ZNF251: variants seen among roughly 807,000 people sequenced by gnomAD.
ZNF251 encodes the protein zinc finger protein 251.
A neutral mutation model predicts 13.5 loss-of-function variants in ZNF251; 14 were observed. The observed-to-expected ratio is 1.04, with a 90% CI of 0.69 to 1.63. ZNF251 has a LOEUF of 1.63. Among genes scored for constraint, ZNF251 ranks in the 40% most tolerant of loss-of-function variants. The pLI is 0.00. For synonymous variants in ZNF251, 287 were observed against 295.2 expected (o/e 0.97, Z 0.28); for missense variants, 764 against 834.9 (o/e 0.92, Z 1.05).
At chr8:144,738,546 G>A (rs139934426) in intron 4 of ZNF251, 71 of 984,746 alleles carry the variant, frequency 7.2e-5, no homozygotes, top group East Asian at 1.1e-4. Flanking sequence ...ACTCATCCCC[G>A]GCCCCTTCCT....
chr8:144,731,965 CAG>C (rs1376936069), intron 4 of ZNF251, among the ~76,000 whole-genome samples: 4 of 120,624 alleles, frequency 3.3e-5, no homozygotes, highest in Admixed American at 3.2e-4. Context: ...TTTTTTAAGA[CAG>C]AGTCTTTCTC....
chr8:144,744,614 TAAG>T (rs1471813997), intron 4 of ZNF251, among the ~76,000 whole-genome samples: 1 of 152,152 alleles, frequency 6.6e-6, no homozygotes, highest in Non-Finnish European at 1.5e-5. Flanking sequence ...AGTGCTCTTA[TAAG>T]AAGAGATACC....
At position 144,722,966 on chromosome 8, in the gene ZNF251, T is replaced by C; in HGVS notation, c.694A>G (p.Thr232Ala). ...CCACATTCGTACGGCTTCTCCCCAG[T>C]GTGACTTCTCTGGTGTCTACTTAGG... ...SDLSRHQRSH[T>A]GEKPYECGRC... The change falls in exon 5 of 5, where the codon ACT (threonine) becomes GCT (alanine). Residue 232 changes from threonine (T) to alanine (A), a missense_variant. By Grantham distance (58) the Thr-to-Ala change is moderately conservative. Coordinates refer to ENST00000292562, the MANE Select transcript of ZNF251 (RefSeq NM_138367.2). This position sits in a 1 kb window ranked among gnomAD's most constrained non-coding sequence, Gnocchi z 4.8. The C allele has an allele frequency of 4.3e-6, 7 of 1,613,970 alleles. 1 individual carries two copies. Among genetic ancestry groups the C allele is most frequent in the South Asian group, 2.2e-5 (2 of 91,086 alleles).
Position 144,754,242 on chromosome 8 carries a change from G to A in ZNF251, c.113C>T (p.Ala38Val), listed in dbSNP as rs1449023740. ...CTCCAGCATCACATCCCGGTAGAGC[G>A]CCCGCTGCTGGGGGCCCAGCTGCCG... ...EGRQLGPQQRALYRDVMLENY... is the reference protein window; with the variant it reads ...EGRQLGPQQRVLYRDVMLENY... The change falls in exon 3 of 5, where the codon GCG (alanine) becomes GTG (valine). Residue 38 changes from alanine to valine, a missense_variant. Coordinates refer to ENST00000292562, the MANE Select transcript of ZNF251 (RefSeq NM_138367.2). The A allele has an allele frequency of 1.9e-6, 3 of 1,613,932 alleles. No homozygotes were observed. Among genetic ancestry groups the A allele is most frequent in the Admixed American group, 1.7e-5 (1 of 60,002 alleles).
At chr8:144,755,183 C>T (rs1824901422) in intron 1 of ZNF251, 1 of 1,172,554 alleles carries the variant, frequency 8.5e-7, no homozygotes. Context: ...TGCCGAAGGC[C>T]CCAGGCTCCG....
At position 144,755,486 on chromosome 8, in the gene ZNF251, C is replaced by G; in HGVS notation, c.-157G>C. The stretch of plus-strand genomic sequence containing the variant: ...ACCGAGCCCGGAACGGACCCTCCCA[C>G]AGAACCGGGTCCAGAGCCGGGGAGG... On this transcript the variant is annotated 5_prime_UTR_variant, in exon 1 of 5. Transcript: ENST00000292562. 1 of 1,287,230 alleles carries G rather than the reference C, an allele frequency of 7.8e-7. No homozygotes were observed. The highest frequency in any genetic ancestry group is 1.0e-6 in the Non-Finnish European group (1 of 988,676). The allele number at this position is 1,287,230 out of a possible 1,614,324, so 79.7% of individuals were successfully genotyped here.
Position 144,734,734 on chromosome 8 carries a change from C to T in ZNF251, c.278-11352G>A, listed in dbSNP as rs930874822. Among the ~76,000 whole-genome samples the T allele has an allele frequency of 6.6e-6, 1 of 152,208 alleles. No individual in the cohort carries two copies. Among genetic ancestry groups the T allele is most frequent in the Non-Finnish European group, 1.5e-5 (1 of 68,046 alleles). On this transcript the variant is annotated intron_variant, in intron 4 of 4. Coordinates refer to ENST00000292562, the MANE Select transcript of ZNF251 (RefSeq NM_138367.2). This position sits in a 1 kb window ranked among gnomAD's most constrained non-coding sequence, Gnocchi z 4.4. ...ATCACAGGAGACGGGCGAATTAGAA[C>T]TGGAGACCAAAATTCCTCTGTGGTA...
At chr8:144,741,372 T>A (rs1249214572) in intron 4 of ZNF251, among the ~76,000 whole-genome samples, 1 of 150,788 alleles carries the variant, frequency 6.6e-6, no homozygotes, top group Non-Finnish European at 1.5e-5. Context: ...ATACACACAC[T>A]CACACACACT....
rs765977264 is a variant in ZNF251 at position 144,722,750 on chromosome 8, G to T, written c.910C>A (p.Arg304=). Residue 304 remains arginine (R), a synonymous_variant, in exon 5 of 5, where the codon CGA becomes AGA. Transcript: ENST00000292562. The surrounding 1 kb of genome is among the most constrained non-coding windows in gnomAD (Gnocchi z 4.8). ...CGATGTTGAATAAGAGTTGAGCTTC[G>T]ACTGAAAGCCTTCCCACACTCACCA... The part of the protein sequence containing the change: ...GCGECGKAFS[R]SSTLIQHRII... The T allele has an allele frequency of 1.2e-6, 2 of 1,613,976 alleles. No individual in the cohort carries two copies. The highest frequency in any genetic ancestry group is 1.7e-6 in the Non-Finnish European group (2 of 1,179,962).
At position 144,734,179 on chromosome 8, in the gene ZNF251, A is replaced by G. The variant is rs1314496607; in HGVS notation, c.278-10797T>C. Among the ~76,000 whole-genome samples the G allele has an allele frequency of 6.6e-6, 1 of 152,216 alleles. No individual in the cohort carries two copies. Among genetic ancestry groups the G allele is most frequent in the Non-Finnish European group, 1.5e-5 (1 of 68,012 alleles). On this transcript the variant is annotated intron_variant, in intron 4 of 4. Coordinates refer to ENST00000292562, the MANE Select transcript of ZNF251 (RefSeq NM_138367.2). The surrounding 1 kb of genome is among the most constrained non-coding windows in gnomAD (Gnocchi z 4.4). ...CCTGCCTGGTGTTTTCCTTTGTCCCAGCGCTGAGCCGAGCGGAGCTCCTGG... is the reference window on the plus strand; with the variant it reads ...CCTGCCTGGTGTTTTCCTTTGTCCCGGCGCTGAGCCGAGCGGAGCTCCTGG...
intron 4 of ZNF251, among the ~76,000 whole-genome samples, chr8:144,744,334 T>A (rs1039126440): frequency 7.2e-5 from 11 of 152,210 alleles, no homozygotes; most frequent in Non-Finnish European, 1.5e-5. Context: ...AGCTTGTCAA[T>A]TGTTTCTTCC....
At chr8:144,731,941 C>A (rs527663141) in intron 4 of ZNF251, among the ~76,000 whole-genome samples, 1 of 134,140 alleles carries the variant, frequency 7.5e-6, no homozygotes, top group African/African-American at 3.6e-5. Context: ...CATGTCCTGA[C>A]AGCTGCATTT....
intron 3 of ZNF251, 110 bp downstream of exon 3, chr8:144,754,082 C>T: frequency 2.1e-6 from 3 of 1,432,156 alleles, no homozygotes; most frequent in Non-Finnish European, 2.8e-6. Flanking sequence ...AGACTGATAC[C>T]CGGGGACAAG....
In ZNF251 at chr8:144,755,515, C is replaced by T. The variant is rs866165376; in HGVS notation, c.-186G>A. The T allele has an allele frequency of 8.2e-5, 105 of 1,285,964 alleles. No individual in the cohort carries two copies. In the African/African-American group the frequency reaches 1.3e-3, roughly 15 times the overall value. The allele number at this position is 1,285,964 out of a possible 1,614,324, so 79.7% of individuals were successfully genotyped here. On this transcript the variant is annotated 5_prime_UTR_variant, in exon 1 of 5. Coordinates refer to ENST00000292562, the MANE Select transcript of ZNF251 (RefSeq NM_138367.2). The stretch of plus-strand genomic sequence containing the variant: ...ACCGGGTCCAGAGCCGGGGAGGGGG[C>T]GGGCTAGGATGAAGAGGGCGGGCCG...
At chr8:144,737,223 G>A (rs373493680) in intron 4 of ZNF251, among the ~76,000 whole-genome samples, 2 of 151,176 alleles carry the variant, frequency 1.3e-5, no homozygotes, top group Non-Finnish European at 2.9e-5. Flanking sequence ...TCAGCCTCCC[G>A]AGTAGCTAGG....
chr8:144,738,112 T>C (rs1823986996), intron 4 of ZNF251, among the ~76,000 whole-genome samples: 1 of 152,096 alleles, frequency 6.6e-6, no homozygotes, highest in East Asian at 1.9e-4. Flanking sequence ...CACCTCTCAG[T>C]GGGGAGGCTC....
intron 4 of ZNF251, among the ~76,000 whole-genome samples, chr8:144,736,436 G>A (rs567120816): frequency 3.2e-4 from 49 of 151,522 alleles, no homozygotes; most frequent in African/African-American, 6.8e-4. Flanking sequence ...ACAAACCCTC[G>A]GGAGTTCACC....
intron 4 of ZNF251, among the ~76,000 whole-genome samples, chr8:144,745,714 CA>C (rs1047032291): frequency 4.0e-5 from 6 of 151,858 alleles, no homozygotes; most frequent in Non-Finnish European, 5.9e-5. Context: ...GCCTAGCTAA[CA>C]AAAAAAATTT....
At chr8:144,739,297 G>A (rs1180861046) in intron 4 of ZNF251, among the ~76,000 whole-genome samples, 7 of 119,414 alleles carry the variant, frequency 5.9e-5, no homozygotes, top group African/African-American at 1.3e-4. Flanking sequence ...CACAAATCAC[G>A]ACTCCACCTC....
Sources: allele counts gnomAD v4.1 joint callset (sites outside exome capture counted in the v4.1 genomes callset), GRCh38; gene constraint gnomAD v4.1.1; non-coding constraint Gnocchi (gnomAD v3.1); transcripts MANE v1.5; gene names NCBI Gene and HGNC (gene_info 2026-07-23, HGNC 2026-07-21).